ZNF578: variants seen among roughly 807,000 people sequenced by gnomAD.
ZNF578 encodes the protein zinc finger protein 578, also known as Putative chemokine-related protein B42.
In ZNF578, 8 loss-of-function variants were observed where a neutral mutation model predicts 8.3. The observed-to-expected ratio is 0.96, with a 90% CI of 0.56 to 1.74. The LOEUF is 1.74. ZNF578 is among the 40% of genes most tolerant of loss of function. The pLI is 0.00. For synonymous variants in ZNF578, 206 were observed against 232.2 expected (o/e 0.89, Z 1.03); for missense variants, 726 against 707.5 (o/e 1.03, Z -0.30).
intron 3 of ZNF578, among the ~76,000 whole-genome samples, chr19:52,496,116 T>A (rs1159725020): frequency 1.3e-5 from 2 of 151,172 alleles, no homozygotes; most frequent in African/African-American, 4.9e-5. Flanking sequence ...GCCTCCCGGG[T>A]TCAAGGAATT....
At chr19:52,464,312 C>T (rs1358198062) in intron 2 of ZNF578, among the ~76,000 whole-genome samples, 1 of 152,104 alleles carries the variant, frequency 6.6e-6, no homozygotes, top group Non-Finnish European at 1.5e-5. Flanking sequence ...TTTTTCATGG[C>T]CTCGGGTGTT....
Position 52,469,193 on chromosome 19 carries a change from C to A in ZNF578, c.-122+12235C>A, listed in dbSNP as rs183952741. On this transcript the variant is annotated intron_variant, in intron 2 of 5. Transcript: ENST00000421239. Reference sequence around the variant, plus strand: ...TTTTTTTTTTTTTGACAGGGTCTCACTCTTTTGCCCAGGCTGGAGTGCAGT... The same window carrying A: ...TTTTTTTTTTTTTGACAGGGTCTCAATCTTTTGCCCAGGCTGGAGTGCAGT... Among the ~76,000 whole-genome samples the A allele has an allele frequency of 5.1e-5, 6 of 116,598 alleles. No homozygotes were observed. In the East Asian group the frequency reaches 1.6e-3, roughly 31 times the overall value. 76.5% of individuals were successfully genotyped at this position (116,598 alleles called of 152,430 possible). A position where few individuals can be genotyped will look rare whatever the true frequency, so the allele number is the denominator to read the frequency against.
At chr19:52,509,514 T>C (rs1295318184) in intron 5 of ZNF578, among the ~76,000 whole-genome samples, 1 of 152,168 alleles carries the variant, frequency 6.6e-6, no homozygotes, top group Non-Finnish European at 1.5e-5. Context: ...TGCCACCAGG[T>C]GCAGTGGCTC....
intron 2 of ZNF578, among the ~76,000 whole-genome samples, chr19:52,475,865 T>C (rs1335486396): frequency 1.3e-5 from 2 of 152,170 alleles, no homozygotes; most frequent in African/African-American, 2.4e-5. Context: ...ATAACTCATG[T>C]GAGATTTGAT....
chr19:52,458,483 T>TATATATATATATATATATATATATATA (rs1555751157), intron 2 of ZNF578: 29 of 144,846 alleles, frequency 2.0e-4, no homozygotes, highest in African/African-American at 6.3e-4. Context: ...TATATATATA[T>TATATATATATATATATATATATATATA]TTTGAAAATC....
intron 2 of ZNF578, among the ~76,000 whole-genome samples, chr19:52,479,947 T>G (rs1047886765): frequency 6.6e-6 from 1 of 152,186 alleles, no homozygotes; most frequent in Non-Finnish European, 1.5e-5. Flanking sequence ...TCTCGCTCTG[T>G]CTCCCAGGCT....
chr19:52,516,481 TCC>T lies in ZNF578; in HGVS notation c.*4328_*4329del, dbSNP rs2059476514. On this transcript the variant is annotated 3_prime_UTR_variant, in exon 6 of 6. Transcript: ENST00000421239. Reference sequence around the variant, plus strand: ...GACTGTATTTGCTCAGGGTGAGGTCTCCTTTGTGTCAGGCCTCTGAGCCCAAG... The same window carrying T: ...GACTGTATTTGCTCAGGGTGAGGTCTTTTGTGTCAGGCCTCTGAGCCCAAG... Among the ~76,000 whole-genome samples the T allele has an allele frequency of 1.3e-5, 2 of 152,218 alleles. 1 individual carries two copies. Among genetic ancestry groups the T allele is most frequent in the Non-Finnish European group, 2.9e-5 (2 of 68,038 alleles).
chr19:52,502,354 G>T (rs368056247), intron 4 of ZNF578, among the ~76,000 whole-genome samples: 15 of 152,174 alleles, frequency 9.9e-5, no homozygotes, highest in African/African-American at 3.6e-4. Context: ...ATAAGGAGAG[G>T]TATTTTGTAT....
intron 2 of ZNF578, among the ~76,000 whole-genome samples, chr19:52,488,524 G>C (rs190285566): frequency 1.3e-5 from 2 of 151,416 alleles, no homozygotes; most frequent in Admixed American, 6.6e-5. Context: ...CAGGAGAATG[G>C]CGTGAACCCG....
At chr19:52,498,401 C>G (rs2059394889) in intron 3 of ZNF578, among the ~76,000 whole-genome samples, 2 of 149,242 alleles carry the variant, frequency 1.3e-5, no homozygotes, top group Admixed American at 1.3e-4. Context: ...GCGCAATCTC[C>G]TCTCACTGCA....
At position 52,486,775 on chromosome 19, in the gene ZNF578, G is replaced by A. The variant is rs558774813; in HGVS notation, c.-121-4549G>A. 1.1e-4 allele frequency among the ~76,000 whole-genome samples: 16 copies of A among 149,576 alleles called. No individual in the cohort carries two copies. In the South Asian group the frequency reaches 3.4e-3, roughly 32 times the overall value. On this transcript the variant is annotated intron_variant, in intron 2 of 5. Coordinates refer to ENST00000421239, the MANE Select transcript of ZNF578 (RefSeq NM_001099694.2). The stretch of plus-strand genomic sequence containing the variant: ...GGGAGAACAGAGGAGGCACAGAGAT[G>A]GGAGAAGAGGCAGAAATAGACAGAG...
At chr19:52,474,844 C>A in intron 2 of ZNF578, 1 of 203,566 alleles carries the variant, frequency 4.9e-6, no homozygotes, top group Non-Finnish European at 1.1e-5. Context: ...CGATGTTGTG[C>A]AAGGTTTGAA....
chr19:52,492,456 C>T (rs111562686), intron 3 of ZNF578, among the ~76,000 whole-genome samples: 20 of 152,294 alleles, frequency 1.3e-4, no homozygotes, highest in African/African-American at 4.8e-4. Flanking sequence ...ACTCTCCCTC[C>T]TGAATGAATG....
chr19:52,488,523 G>A lies in ZNF578; in HGVS notation c.-121-2801G>A, dbSNP rs555173268. 1.1e-3 allele frequency among the ~76,000 whole-genome samples: 162 copies of A among 150,698 alleles called. 4 individuals carry two copies. The South Asian group carries it at 0.028, about 26-fold the overall frequency. ...ACTCAGGAGGCTGAGGCAGGAGAAT[G>A]GCGTGAACCCGGTAGGCGGAGCTTG... On this transcript the variant is annotated intron_variant, in intron 2 of 5. Transcript: ENST00000421239.
At chr19:52,481,732 T>C (rs2059327168) in intron 2 of ZNF578, among the ~76,000 whole-genome samples, 1 of 152,296 alleles carries the variant, frequency 6.6e-6, no homozygotes, top group South Asian at 2.1e-4. Flanking sequence ...CATAATACTT[T>C]AAATTAAATT....
intron 2 of ZNF578, among the ~76,000 whole-genome samples, chr19:52,459,480 T>G (rs1025042180): frequency 2.6e-5 from 4 of 151,928 alleles, no homozygotes; most frequent in Non-Finnish European, 4.4e-5. Flanking sequence ...ATAACACATT[T>G]TCTTTATCCA....
rs1395463719 is a variant in ZNF578 at position 52,514,273 on chromosome 19, TTG to T, written c.*2121_*2122del. 2.0e-5 allele frequency among the ~76,000 whole-genome samples: 3 copies of T among 152,210 alleles called. No homozygotes were observed. The highest frequency in any genetic ancestry group is 7.2e-5 in the African/African-American group (3 of 41,452). The stretch of plus-strand genomic sequence containing the variant: ...GTTTCTGTACTTGTATATTTTCCAG[TTG>T]TTTTCCGGTTGACCCCAAAATTCGT... On this transcript the variant is annotated 3_prime_UTR_variant, in exon 6 of 6. Transcript: ENST00000421239.
chr19:52,515,263 C>T lies in ZNF578; in HGVS notation c.*3109C>T, dbSNP rs2059468994. Among the ~76,000 whole-genome samples the T allele has an allele frequency of 6.6e-6, 1 of 152,090 alleles. No individual in the cohort carries two copies. Among genetic ancestry groups the T allele is most frequent in the African/African-American group, 2.4e-5 (1 of 41,422 alleles). On this transcript the variant is annotated 3_prime_UTR_variant, in exon 6 of 6. Transcript: ENST00000421239. ...ACAAGCGTGAGCCATTGTGCCTGAC[C>T]ACTCATGTATTCTTGATTGAAATAA...
chr19:52,475,034 G>T, intron 2 of ZNF578: 1 of 192,756 alleles, frequency 5.2e-6, no homozygotes, highest in South Asian at 1.0e-4. Flanking sequence ...TGCGATTAAA[G>T]ACCTTGCACA....
Sources: gnomAD v4.1 joint callset for allele counts (sites outside exome capture counted in the v4.1 genomes callset) on GRCh38, gnomAD v4.1.1 for gene constraint, MANE v1.5 for transcripts, NCBI Gene and HGNC (gene_info 2026-07-23, HGNC 2026-07-21) for gene names.